The following HEMK2 variants were observed in gnomAD, a reference collection of about 807,000 sequenced individuals.
The protein encoded by HEMK2 is methyltransferase HEMK2.
At chr21:28,868,209 T>C in the HEMK2 span, among the ~76,000 whole-genome samples, 32 of 152,212 alleles carry the variant, frequency 2.1e-4, no homozygotes, top group Non-Finnish European at 3.5e-4. Flanking sequence ...TCTCTCATGC[T>C]CCTCCTATTA....
the HEMK2 span, among the ~76,000 whole-genome samples, chr21:28,649,094 G>A: frequency 4.6e-5 from 7 of 152,046 alleles, no homozygotes; most frequent in South Asian, 2.1e-4. Context: ...TTTCATCCAC[G>A]TCCCTACAAA....
chr21:28,780,325 G>A, the HEMK2 span, among the ~76,000 whole-genome samples: 1 of 151,944 alleles, frequency 6.6e-6, no homozygotes, highest in Admixed American at 6.6e-5. Flanking sequence ...CTACAGGCGC[G>A]AGCCACCATG....
chr21:28,579,324 G>A, the HEMK2 span, among the ~76,000 whole-genome samples: 2 of 152,084 alleles, frequency 1.3e-5, no homozygotes, highest in African/African-American at 2.4e-5. Flanking sequence ...ATATATACAC[G>A]TGCATATGTA....
the HEMK2 span, among the ~76,000 whole-genome samples, chr21:28,717,762 G>A: frequency 6.6e-6 from 1 of 152,104 alleles, no homozygotes; most frequent in Non-Finnish European, 1.5e-5. Flanking sequence ...TTACAGGTGT[G>A]AGCCACTGTA....
At chr21:28,602,445 T>C in the HEMK2 span, among the ~76,000 whole-genome samples, 3 of 152,202 alleles carry the variant, frequency 2.0e-5, no homozygotes, top group South Asian at 4.1e-4. Flanking sequence ...TATTCTACAT[T>C]TTGTGCATAT....
At chr21:28,628,150 C>T in the HEMK2 span, among the ~76,000 whole-genome samples, 2 of 151,652 alleles carry the variant, frequency 1.3e-5, no homozygotes, top group Non-Finnish European at 2.9e-5. Context: ...AACCTGGGTA[C>T]CCTCCACTAG....
chr21:28,786,884 A>G, the HEMK2 span, among the ~76,000 whole-genome samples: 1 of 152,180 alleles, frequency 6.6e-6, no homozygotes, highest in African/African-American at 2.4e-5. Context: ...TGCAATCTCC[A>G]TCAAAATACC....
At chr21:28,797,939 G>A in the HEMK2 span, among the ~76,000 whole-genome samples, 11 of 152,040 alleles carry the variant, frequency 7.2e-5, no homozygotes, top group Non-Finnish European at 1.5e-4. Context: ...TATCTGCATG[G>A]CTGGACTTAC....
chr21:28,841,248 AATATATTATATATAATATATATT>A, the HEMK2 span, among the ~76,000 whole-genome samples: 2 of 4,158 alleles, frequency 4.8e-4, no homozygotes, highest in African/African-American at 2.3e-3. Context: ...TTATATATAT[AATATATTATATATAATATATATT>A]ATATATTATA....
chr21:28,634,361 A>G, the HEMK2 span, among the ~76,000 whole-genome samples: 1 of 152,148 alleles, frequency 6.6e-6, no homozygotes, highest in Non-Finnish European at 1.5e-5. Context: ...CCCTTGCCAA[A>G]TCTGTCGCAG....
At chr21:28,682,099 T>G in the HEMK2 span, among the ~76,000 whole-genome samples, 1 of 151,918 alleles carries the variant, frequency 6.6e-6, no homozygotes, top group South Asian at 2.1e-4. Flanking sequence ...GAAACTACCA[T>G]CAGAGTGAAC....
the HEMK2 span, among the ~76,000 whole-genome samples, chr21:28,700,644 T>A: frequency 6.6e-6 from 1 of 152,002 alleles, no homozygotes; most frequent in Non-Finnish European, 1.5e-5. Flanking sequence ...AGAAATTGAA[T>A]CCGTAATAAA....
At chr21:28,743,010 C>G in the HEMK2 span, among the ~76,000 whole-genome samples, 1 of 152,072 alleles carries the variant, frequency 6.6e-6, no homozygotes, top group South Asian at 2.1e-4. Context: ...TGCGCTGTAC[C>G]TGGTAGGAGT....
the HEMK2 span, among the ~76,000 whole-genome samples, chr21:28,614,004 G>C: frequency 6.6e-6 from 1 of 152,138 alleles, no homozygotes; most frequent in African/African-American, 2.4e-5. Flanking sequence ...TCTAGAAGCA[G>C]CAACAAACCA....
the HEMK2 span, among the ~76,000 whole-genome samples, chr21:28,685,237 A>G: frequency 6.6e-6 from 1 of 152,120 alleles, no homozygotes; most frequent in African/African-American, 2.4e-5. Context: ...CATATGTTAG[A>G]TTTTCCTTTT....
the HEMK2 span, among the ~76,000 whole-genome samples, chr21:28,783,814 C>T: frequency 2.0e-5 from 3 of 152,142 alleles, no homozygotes; most frequent in Admixed American, 6.5e-5. Flanking sequence ...GCACGAGTTC[C>T]GGGTAGGGAT....
the HEMK2 span, among the ~76,000 whole-genome samples, chr21:28,868,912 G>C: frequency 4.6e-5 from 7 of 151,582 alleles, no homozygotes; most frequent in Non-Finnish European, 8.8e-5. Flanking sequence ...ATATTTTCTT[G>C]GTAAATAATA....
chr21:28,705,831 T>TC, the HEMK2 span, among the ~76,000 whole-genome samples: 1 of 152,010 alleles, frequency 6.6e-6, no homozygotes, highest in South Asian at 2.1e-4. Flanking sequence ...CATGACTCCC[T>TC]CCCCCATCTT....
chr21:28,786,404 C>T, the HEMK2 span, among the ~76,000 whole-genome samples: 6 of 152,224 alleles, frequency 3.9e-5, no homozygotes, highest in African/African-American at 9.6e-5. Context: ...GGTGCAGTGG[C>T]TCATGCCTGT....
Sources: gnomAD v4.1 joint callset for allele counts (sites outside exome capture counted in the v4.1 genomes callset) on GRCh38, gnomAD v4.1.1 for gene constraint, MANE v1.5 for transcripts, NCBI Gene and HGNC (gene_info 2026-07-23, HGNC 2026-07-21) for gene names.